The following NLRP9 variants were observed in gnomAD, a reference collection of about 807,000 sequenced individuals.
The protein encoded by NLRP9 is NACHT, LRR and PYD domains-containing protein 9.
Under a neutral mutation model 83.1 loss-of-function variants are expected in NLRP9, and 88 were observed. The ratio of observed to expected loss-of-function variants is 1.06; its 90% CI spans 0.89 to 1.26. NLRP9 has a LOEUF of 1.26. Ranked by LOEUF, NLRP9 falls within the 50% of genes most tolerant of loss-of-function variation. The pLI is 0.00. For synonymous variants in NLRP9, 521 were observed against 447.6 expected (o/e 1.16, Z -2.07); for missense variants, 1,308 against 1,179.3 (o/e 1.11, Z -1.60).
intron 6 of NLRP9, among the ~76,000 whole-genome samples, chr19:55,713,393 T>G (rs565602886): frequency 6.6e-6 from 1 of 151,758 alleles, no homozygotes; most frequent in Non-Finnish European, 1.5e-5. Context: ...ATGATACACA[T>G]AGATGTGTGG....
At chr19:55,722,635 CT>C (rs1267223092) in intron 4 of NLRP9, among the ~76,000 whole-genome samples, 7 of 152,178 alleles carry the variant, frequency 4.6e-5, no homozygotes, top group Non-Finnish European at 1.5e-5. Flanking sequence ...CAATGACTTC[CT>C]TTGTTCTCTT....
rs1568603823 is a variant in NLRP9, at chr19:55,732,685, A to T, written c.1146T>A (p.Ser382Arg). ...LTTVFKAGSQ[S>R]FPPKVNRARL... is the part of the protein sequence containing the mutation. ...GGGCTCTGTTCACCTTAGGTGGAAA[A>T]CTCTGACTTCCTGCTTTGAATACAG... is the stretch of plus-strand genomic sequence containing the variant. The change falls in exon 2 of 9, where the codon AGT becomes AGA. Residue 382 changes from serine (S) to arginine (R), a missense_variant. By Grantham distance (110) the Ser-to-Arg change is moderately radical. Coordinates refer to ENST00000332836, the MANE Select transcript of NLRP9 (RefSeq NM_176820.4). 1 of 1,614,130 alleles carries T rather than the reference A, an allele frequency of 6.2e-7. No homozygotes were observed. Among genetic ancestry groups the T allele is most frequent in the Non-Finnish European group, 8.5e-7 (1 of 1,180,020 alleles).
rs374801756 is a variant in NLRP9, at chr19:55,733,392, T to A, written c.439A>T (p.Thr147Ser). Residue 147 changes from threonine (T) to serine (S), a missense_variant, in exon 2 of 9, where the codon ACT (threonine) becomes TCT (serine). Thr to Ser is a moderately conservative substitution (Grantham distance 58). Transcript: ENST00000332836. ...DAYTAAARRHTVVLEGPDGIG... is the reference protein window; with the variant it reads ...DAYTAAARRHSVVLEGPDGIG... ...CCATCAGGACCTTCCAGGACCACAG[T>A]GTGTCGTCTAGCCGCAGCAGTATAT... is the stretch of plus-strand genomic sequence containing the variant. 2.5e-5 allele frequency: 41 copies of A among 1,614,042 alleles called. No homozygotes were observed. The highest frequency in any genetic ancestry group is 3.5e-5 in the Non-Finnish European group (41 of 1,180,020).
At chr19:55,723,851 A>T (rs1308292613) in intron 4 of NLRP9, 129 bp downstream of exon 4, 4 of 699,102 alleles carry the variant, frequency 5.7e-6, no homozygotes, top group Non-Finnish European at 9.5e-6. Context: ...AGAGAGACAG[A>T]TTCAAAAGAT....
chr19:55,727,398 G>C (rs1322841709), intron 3 of NLRP9, among the ~76,000 whole-genome samples: 3 of 152,166 alleles, frequency 2.0e-5, no homozygotes, highest in African/African-American at 7.2e-5. Context: ...CCAGATTACT[G>C]TTCTGCTTCA....
Position 55,708,954 on chromosome 19 carries a change from A to G in NLRP9, c.2934T>C (p.Pro978=). The change falls in exon 9 of 9, where the codon CCT becomes CCC. Residue 978 remains proline, a synonymous_variant. Coordinates refer to ENST00000332836, the MANE Select transcript of NLRP9 (RefSeq NM_176820.4). ...KIPHLTISHG[P]WIDEEYKIRG... ...TGATCTTGTATTCCTCGTCAATCCA[A>G]GGTCCATGTGAAATGGTCAGATGGG... 1 of 1,584,246 alleles carries G rather than the reference A, an allele frequency of 6.3e-7. No homozygotes were observed. Among genetic ancestry groups the G allele is most frequent in the Non-Finnish European group, 8.6e-7 (1 of 1,169,068 alleles).
At position 55,737,001 on chromosome 19, in the gene NLRP9, T is replaced by G. The variant is rs180866421; in HGVS notation, c.280+1094A>C. Among the ~76,000 whole-genome samples, 205 of 151,216 alleles carry G rather than the reference T, an allele frequency of 1.4e-3. 2 individuals are homozygous for G. Among genetic ancestry groups the G allele is most frequent in the Non-Finnish European group, 1.7e-3 (116 of 67,740 alleles). On this transcript the variant is annotated intron_variant, in intron 1 of 8. Coordinates refer to ENST00000332836, the MANE Select transcript of NLRP9 (RefSeq NM_176820.4). ...AAAACAGAAGTAAACGTAACAGAAG[T>G]TGATGGAACTCAAAAGTAAAGGGAG...
chr19:55,714,236 C>T (rs2122287227), intron 6 of NLRP9, among the ~76,000 whole-genome samples: 1 of 152,102 alleles, frequency 6.6e-6, no homozygotes, highest in East Asian at 1.9e-4. Flanking sequence ...GATCATAGTC[C>T]TTCATGTGTG....
chr19:55,731,867 G>T, intron 2 of NLRP9, 132 bp downstream of exon 2: 1 of 595,348 alleles, frequency 1.7e-6, no homozygotes, highest in Non-Finnish European at 3.0e-6. Context: ...GCCAAGGCTC[G>T]AAAGGAAGGC....
Position 55,732,322 on chromosome 19 carries a change from G to T in NLRP9, c.1509C>A (p.Ile503=). 6.2e-7 allele frequency: 1 copy of T among 1,614,144 alleles called. No homozygotes were observed. ...CAAAGGAGGTCTCCAGCATGCTGAC[G>T]ATTTCTTCTGTTGAAATTCCAAACA... The part of the protein sequence containing the change: ...IFMFGISTEE[I]VSMLETSFGF... Residue 503 remains isoleucine, a synonymous_variant, in exon 2 of 9, where the codon ATC becomes ATA. Transcript: ENST00000332836.
rs1197735682 is a variant in NLRP9, at chr19:55,732,813, A to T, written c.1018T>A (p.Cys340Ser). ...LFILCHNPFT[C>S]WLVCTCVKQR... ...TTCACACAAGTACAGACCAACCAGC[A>T]CGTAAAGGGATTATGGCACAAGATA... The change falls in exon 2 of 9, where the codon TGC becomes AGC. Residue 340 changes from cysteine to serine, a missense_variant. Transcript: ENST00000332836. 1 of 1,614,178 alleles carries T rather than the reference A, an allele frequency of 6.2e-7. No individual in the cohort carries two copies.
At chr19:55,733,645 C>T (rs1988677949) in intron 1 of NLRP9, 95 bp from the exon 2 acceptor site, 2 of 763,094 alleles carry the variant, frequency 2.6e-6, no homozygotes, top group South Asian at 1.9e-5. Flanking sequence ...TTCTAATACT[C>T]GCCAGCCATC....
At chr19:55,722,203 A>G (rs543381333) in intron 4 of NLRP9, among the ~76,000 whole-genome samples, 5 of 152,324 alleles carry the variant, frequency 3.3e-5, no homozygotes, top group Non-Finnish European at 4.4e-5. Flanking sequence ...CCAAAAGGCA[A>G]CATTCCCAGC....
chr19:55,731,960 G>A (rs1988585080), intron 2 of NLRP9, 39 bp downstream of exon 2: 1 of 1,324,852 alleles, frequency 7.5e-7, no homozygotes, highest in Admixed American at 2.2e-5. Context: ...CAAACTCCAA[G>A]TGTAGTGTGT....
chr19:55,712,192 G>A (rs1191075925), intron 7 of NLRP9, among the ~76,000 whole-genome samples: 1 of 152,138 alleles, frequency 6.6e-6, no homozygotes, highest in Non-Finnish European at 1.5e-5. Context: ...CAGGGGCGCT[G>A]CTAAAGACCC....
chr19:55,727,666 A>T (rs940386421), intron 3 of NLRP9, among the ~76,000 whole-genome samples: 2 of 152,146 alleles, frequency 1.3e-5, no homozygotes, highest in African/African-American at 4.8e-5. Context: ...ATCTTTAGAA[A>T]TTCTTTTGAG....
chr19:55,724,136 G>A lies in NLRP9; in HGVS notation c.2003C>T (p.Ser668Phe), dbSNP rs1988326561. The change falls in exon 4 of 9, where the codon TCT becomes TTT. Residue 668 changes from serine (S) to phenylalanine (F), a missense_variant. By Grantham distance (155) the Ser-to-Phe change is radical. Transcript: ENST00000332836. Reference sequence around the variant, plus strand: ...TTCTGAATCATGTCCAAAGTACACAGAAGTAAATCTGCAAAAGATTAAAAA... The same window carrying A: ...TTCTGAATCATGTCCAAAGTACACAAAAGTAAATCTGCAAAAGATTAAAAA... ...VCKLRKLIFT[S>F]VYFGHDSELF... The A allele has an allele frequency of 6.2e-7, 1 of 1,601,284 alleles. No individual in the cohort carries two copies. Among genetic ancestry groups the A allele is most frequent in the East Asian group, 2.2e-5 (1 of 44,786 alleles).
rs1284893324 is a variant in NLRP9, at chr19:55,714,440, G to A, written c.2501+615C>T. 8.5e-5 allele frequency among the ~76,000 whole-genome samples: 13 copies of A among 152,276 alleles called. No homozygotes were observed. The East Asian group carries it at 2.3e-3, about 27-fold the overall frequency. On this transcript the variant is annotated intron_variant, in intron 6 of 8. Coordinates refer to ENST00000332836, the MANE Select transcript of NLRP9 (RefSeq NM_176820.4). The stretch of plus-strand genomic sequence containing the variant: ...GGGGAGAGGTGAGTCACCTGCACAA[G>A]CTCAGGCAGTCAGGGCCACTCGGGA...
chr19:55,712,164 C>T (rs966477763), intron 7 of NLRP9, among the ~76,000 whole-genome samples, 194 bp from the exon 8 acceptor site: 1 of 152,176 alleles, frequency 6.6e-6, no homozygotes, highest in African/African-American at 2.4e-5. Flanking sequence ...GTGCTGCTGG[C>T]AACTTGAGGA....
Sources: allele counts gnomAD v4.1 joint callset (sites outside exome capture counted in the v4.1 genomes callset), GRCh38; gene constraint gnomAD v4.1.1; transcripts MANE v1.5; gene names NCBI Gene and HGNC (gene_info 2026-07-23, HGNC 2026-07-21).